GALNTL6: variants seen among roughly 807,000 people sequenced by gnomAD.
The protein encoded by GALNTL6 is polypeptide N-acetylgalactosaminyltransferase-like 6.
Under a neutral mutation model 73.7 loss-of-function variants are expected in GALNTL6, and 46 were observed. The ratio of observed to expected loss-of-function variants is 0.62; its 90% CI spans 0.49 to 0.80. The LOEUF is 0.80. Ranked by LOEUF, GALNTL6 falls within the 30% of genes least tolerant of loss-of-function variation. The pLI is 0.00. For synonymous variants in GALNTL6, 259 were observed against 263.7 expected, an observed-to-expected ratio of 0.98 and a Z score of 0.17; for missense variants, 604 against 755.0, an observed-to-expected ratio of 0.80 and a Z score of 2.34.
intron 5 of GALNTL6, among the ~76,000 whole-genome samples, chr4:172,442,376 C>T (rs1348742910): frequency 2.0e-5 from 3 of 152,116 alleles, no homozygotes; most frequent in African/African-American, 7.2e-5. Context: ...CAGCTTGCTT[C>T]TGCAGCACCA....
chr4:171,966,572 A>C (rs538631949), intron 2 of GALNTL6, among the ~76,000 whole-genome samples: 35 of 152,294 alleles, frequency 2.3e-4, no homozygotes, highest in African/African-American at 8.4e-4. Context: ...AGTCTGCTGA[A>C]GTCTGGCTGG....
At chr4:172,295,483 T>A (rs1255050739) in intron 3 of GALNTL6, among the ~76,000 whole-genome samples, 8 of 150,494 alleles carry the variant, frequency 5.3e-5, no homozygotes, top group African/African-American at 1.5e-4. Flanking sequence ...AATGACTAGT[T>A]ATTATCCCCG....
At chr4:172,779,065 T>G (rs1199211860) in intron 5 of GALNTL6, among the ~76,000 whole-genome samples, 1 of 152,052 alleles carries the variant, frequency 6.6e-6, no homozygotes, top group Non-Finnish European at 1.5e-5. Flanking sequence ...TACTGAAATA[T>G]GAGCTCCATA....
At chr4:172,825,698 A>G (rs935621567) in intron 7 of GALNTL6, among the ~76,000 whole-genome samples, 1 of 151,994 alleles carries the variant, frequency 6.6e-6, no homozygotes, top group Non-Finnish European at 1.5e-5. Flanking sequence ...GAATGATTAC[A>G]TCACAAGCCA....
At chr4:172,805,402 T>C (rs543417772) in intron 5 of GALNTL6, among the ~76,000 whole-genome samples, 3 of 152,342 alleles carry the variant, frequency 2.0e-5, no homozygotes, top group Admixed American at 1.3e-4. Flanking sequence ...CAAAATTTCA[T>C]TGGAATACAA....
intron 2 of GALNTL6, among the ~76,000 whole-genome samples, chr4:172,057,852 TGTG>T (rs1465477731): frequency 2.9e-4 from 44 of 151,054 alleles, no homozygotes; most frequent in African/African-American, 1.0e-3. Context: ...CATTGATTAA[TGTG>T]GTGTTTTTAA....
intron 4 of GALNTL6, among the ~76,000 whole-genome samples, chr4:172,322,220 C>T (rs1048186951): frequency 1.3e-5 from 2 of 152,130 alleles, no homozygotes; most frequent in African/African-American, 4.8e-5. Flanking sequence ...TGCACTTGGC[C>T]GTCTTCTATG....
intron 3 of GALNTL6, among the ~76,000 whole-genome samples, chr4:172,300,907 G>T (rs888664349): frequency 3.3e-5 from 5 of 152,132 alleles, no homozygotes; most frequent in African/African-American, 7.2e-5. Context: ...GAATTTGAAT[G>T]TTGGCCTGCC....
chr4:172,414,605 A>G (rs1487712538), intron 5 of GALNTL6, among the ~76,000 whole-genome samples: 1 of 152,108 alleles, frequency 6.6e-6, no homozygotes, highest in Admixed American at 6.6e-5. Context: ...GTGGGATTCA[A>G]TTTTCTGTAG....
chr4:172,201,488 A>G (rs1380329435), intron 2 of GALNTL6, among the ~76,000 whole-genome samples: 1 of 150,240 alleles, frequency 6.7e-6, no homozygotes. Context: ...TACAGGCATG[A>G]GCCACGGCAC....
chr4:172,488,223 A>G (rs898037240), intron 5 of GALNTL6, among the ~76,000 whole-genome samples: 2 of 152,206 alleles, frequency 1.3e-5, no homozygotes, highest in Non-Finnish European at 2.9e-5. Context: ...AAGTTTCATT[A>G]AACAAAGACT....
At chr4:172,157,485 G>C (rs1403531623) in intron 2 of GALNTL6, among the ~76,000 whole-genome samples, 2 of 152,048 alleles carry the variant, frequency 1.3e-5, no homozygotes, top group Non-Finnish European at 2.9e-5. Flanking sequence ...TTAAATATTT[G>C]TTAGTAAATG....
chr4:172,394,681 C>G (rs879809309), intron 5 of GALNTL6, among the ~76,000 whole-genome samples: 31 of 152,116 alleles, frequency 2.0e-4, no homozygotes, highest in African/African-American at 6.5e-4. Context: ...ATCCACCTGC[C>G]TTGACCTCCC....
chr4:171,972,778 T>C (rs1401467279), intron 2 of GALNTL6, among the ~76,000 whole-genome samples: 3 of 152,186 alleles, frequency 2.0e-5, no homozygotes, highest in Non-Finnish European at 4.4e-5. Context: ...TAAACTATTC[T>C]AGAAATGCTC....
At chr4:172,243,260 G>C (rs1312377841) in intron 3 of GALNTL6, among the ~76,000 whole-genome samples, 1 of 152,108 alleles carries the variant, frequency 6.6e-6, no homozygotes, top group African/African-American at 2.4e-5. Flanking sequence ...AAGGTCACCA[G>C]ATCATATGTC....
intron 2 of GALNTL6, among the ~76,000 whole-genome samples, chr4:171,884,981 C>G (rs1476481268): frequency 1.3e-5 from 2 of 151,468 alleles, no homozygotes; most frequent in East Asian, 3.9e-4. Context: ...TGCTTGAACC[C>G]AGGAGGCGGA....
At chr4:172,807,589 T>G (rs778003662) in intron 5 of GALNTL6, among the ~76,000 whole-genome samples, 1 of 152,174 alleles carries the variant, frequency 6.6e-6, no homozygotes, top group South Asian at 2.1e-4. Flanking sequence ...AAATCCTTTA[T>G]GTTTTATAGG....
intron 8 of GALNTL6, among the ~76,000 whole-genome samples, chr4:172,898,841 A>AGTC (rs1441176804): frequency 6.6e-6 from 1 of 152,248 alleles, no homozygotes; most frequent in Non-Finnish European, 1.5e-5. Context: ...TCAAATCAGT[A>AGTC]GTCAGACAGC....
intron 2 of GALNTL6, among the ~76,000 whole-genome samples, chr4:171,858,193 A>G (rs1237331561): frequency 6.6e-6 from 1 of 152,134 alleles, no homozygotes; most frequent in African/African-American, 2.4e-5. Flanking sequence ...AAGTTAGGTA[A>G]ACTTAGGAAT....
Sources: gnomAD v4.1 joint callset for allele counts (sites outside exome capture counted in the v4.1 genomes callset) on GRCh38, gnomAD v4.1.1 for gene constraint, MANE v1.5 for transcripts, NCBI Gene and HGNC (gene_info 2026-07-23, HGNC 2026-07-21) for gene names.